Variants in DLG2 observed in about 807,000 individuals in gnomAD.
DLG2 encodes disks large homolog 2.
In DLG2, 45 loss-of-function variants were observed where a neutral mutation model predicts 132.5. The observed-to-expected ratio is 0.34, with a 90% CI of 0.27 to 0.44. DLG2 has a LOEUF of 0.44. Among genes scored for constraint, DLG2 ranks in the 20% least tolerant of loss-of-function variants. The pLI, the probability that DLG2 is intolerant of heterozygous loss-of-function variation, is 1.00. For synonymous variants in DLG2, 424 were observed against 419.6 expected, an observed-to-expected ratio of 1.01 and a Z score of -0.13; for missense variants, 1,045 against 1,196.9, an observed-to-expected ratio of 0.87 and a Z score of 1.87.
At position 85,107,180 on chromosome 11, in the gene DLG2, T is replaced by A. The variant is rs1594280679; in HGVS notation, c.357+4481A>T. ...CCTATAGATATAGCAATGTCTATGA[T>A]AAGTTCCATAATAGCAGTCAACTTA... On this transcript the variant is annotated intron_variant, in intron 6 of 27. Transcript: ENST00000376104. Among the ~76,000 whole-genome samples the A allele has an allele frequency of 4.6e-5, 7 of 152,144 alleles. No individual in the cohort carries two copies. The South Asian group carries it at 1.5e-3, about 32-fold the overall frequency.
At chr11:85,422,614 T>C (rs757916879) in intron 3 of DLG2, among the ~76,000 whole-genome samples, 20 of 152,002 alleles carry the variant, frequency 1.3e-4, no homozygotes, top group Admixed American at 4.6e-4. Context: ...CCTCAGCCTC[T>C]GGAATAGTGG....
intron 6 of DLG2, among the ~76,000 whole-genome samples, chr11:84,756,983 T>C (rs2066968163): frequency 6.6e-6 from 1 of 152,192 alleles, no homozygotes; most frequent in Non-Finnish European, 1.5e-5. Context: ...AGAATCATAA[T>C]TCCTGGTGTA....
chr11:84,798,914 C>T (rs2075024740), intron 6 of DLG2, among the ~76,000 whole-genome samples: 2 of 152,136 alleles, frequency 1.3e-5, no homozygotes, highest in Admixed American at 6.6e-5. Flanking sequence ...GTCACCCCAT[C>T]CTAGTGTGCC....
intron 4 of DLG2, among the ~76,000 whole-genome samples, chr11:85,241,786 T>C (rs1349713550): frequency 1.3e-5 from 2 of 151,964 alleles, no homozygotes; most frequent in Admixed American, 6.6e-5. Flanking sequence ...TTGCATTAGA[T>C]ATGCTATGTG....
chr11:84,118,574 C>T (rs2093752109), intron 9 of DLG2, among the ~76,000 whole-genome samples: 1 of 152,168 alleles, frequency 6.6e-6, no homozygotes, highest in Non-Finnish European at 1.5e-5. Context: ...TAATGTATTT[C>T]TACACCTGAA....
intron 6 of DLG2, among the ~76,000 whole-genome samples, chr11:85,079,855 C>T (rs754173720): frequency 1.8e-4 from 27 of 152,088 alleles, no homozygotes; most frequent in Non-Finnish European, 3.5e-4. Context: ...TAGTCTCAAT[C>T]TCCTGAGCTT....
chr11:84,691,180 A>G (rs1038557523), intron 6 of DLG2, among the ~76,000 whole-genome samples: 2 of 151,752 alleles, frequency 1.3e-5, no homozygotes, highest in African/African-American at 4.8e-5. Context: ...ATTTCTGCAA[A>G]TTTTGAACTT....
At chr11:84,472,489 C>T (rs1404963021) in intron 7 of DLG2, among the ~76,000 whole-genome samples, 1 of 151,902 alleles carries the variant, frequency 6.6e-6, no homozygotes, top group East Asian at 1.9e-4. Context: ...CTTTATAAGA[C>T]TATAAACCCA....
chr11:83,590,637 A>G (rs1420891801), intron 19 of DLG2, among the ~76,000 whole-genome samples: 1 of 152,056 alleles, frequency 6.6e-6, no homozygotes, highest in African/African-American at 2.4e-5. Context: ...AAATAACTAA[A>G]ATCAGAGCAG....
intron 9 of DLG2, among the ~76,000 whole-genome samples, chr11:84,133,469 A>G (rs1247301487): frequency 1.3e-5 from 2 of 152,062 alleles, no homozygotes; most frequent in Non-Finnish European, 2.9e-5. Context: ...TTTTATTTAA[A>G]GCATTCTGTT....
rs889346037 is a variant in DLG2 at position 83,522,926 on chromosome 11, TA to T, written c.2193+9781del. The stretch of plus-strand genomic sequence containing the variant: ...AGATATTACACGTGCTATTATTTTT[TA>T]AAAAAACCTTTTTACCCACATATAA... On this transcript the variant is annotated intron_variant, in intron 21 of 27. Coordinates refer to ENST00000376104, the MANE Select transcript of DLG2 (RefSeq NM_001142699.3). 2.2e-3 allele frequency among the ~76,000 whole-genome samples: 335 copies of T among 152,114 alleles called. 8 individuals carry two copies. Among genetic ancestry groups the T allele is most frequent in the Non-Finnish European group, 2.8e-4 (19 of 67,980 alleles).
intron 7 of DLG2, among the ~76,000 whole-genome samples, chr11:84,479,200 C>G (rs1481709420): frequency 6.6e-6 from 1 of 151,998 alleles, no homozygotes; most frequent in East Asian, 1.9e-4. Context: ...CACTATAAAA[C>G]TTGGATTGTT....
chr11:84,118,133 A>C (rs1270699493), intron 9 of DLG2, among the ~76,000 whole-genome samples: 3 of 152,176 alleles, frequency 2.0e-5, no homozygotes, highest in Non-Finnish European at 4.4e-5. Flanking sequence ...CTGGGATTAC[A>C]AGCATGAGCC....
chr11:85,569,222 A>G (rs548137565), intron 3 of DLG2, among the ~76,000 whole-genome samples: 294 of 151,996 alleles, frequency 1.9e-3, no homozygotes, highest in Middle Eastern at 6.8e-3. Flanking sequence ...AGTAGAGACG[A>G]GGTTTTGCCA....
chr11:84,738,247 A>G lies in DLG2; in HGVS notation c.358-203516T>C, dbSNP rs117947292. Among the ~76,000 whole-genome samples, 929 of 151,560 alleles carry G rather than the reference A, an allele frequency of 6.1e-3. 4 individuals carry two copies. Among genetic ancestry groups the G allele is most frequent in the Non-Finnish European group, 0.01 (701 of 67,804 alleles). On this transcript the variant is annotated intron_variant, in intron 6 of 27. Transcript: ENST00000376104. ...TTCTTTTTCTTTTTTTTTGCTTGTTAAAAAACATCAGGAACCTATTTTTCT... is the reference window on the plus strand; with the variant it reads ...TTCTTTTTCTTTTTTTTTGCTTGTTGAAAAACATCAGGAACCTATTTTTCT...
chr11:84,637,859 A>T (rs2099643467), intron 6 of DLG2, among the ~76,000 whole-genome samples: 1 of 152,244 alleles, frequency 6.6e-6, no homozygotes, highest in South Asian at 2.1e-4. Flanking sequence ...TCTGATTCTT[A>T]CAAGATTTTC....
chr11:85,264,932 C>T (rs1455185177), intron 4 of DLG2, among the ~76,000 whole-genome samples: 1 of 152,156 alleles, frequency 6.6e-6, no homozygotes, highest in Non-Finnish European at 1.5e-5. Context: ...TTAATCTGAT[C>T]CTGTCTATGA....
At chr11:85,175,681 T>A (rs1275961539) in intron 4 of DLG2, among the ~76,000 whole-genome samples, 2 of 152,160 alleles carry the variant, frequency 1.3e-5, no homozygotes, top group Admixed American at 1.3e-4. Flanking sequence ...TTATCTTTCT[T>A]TGCAGATGAC....
At chr11:83,678,524 C>T (rs2078167119) in intron 18 of DLG2, among the ~76,000 whole-genome samples, 1 of 152,180 alleles carries the variant, frequency 6.6e-6, no homozygotes, top group Non-Finnish European at 1.5e-5. Flanking sequence ...ATCCCTTGCC[C>T]TATTTCCTAC....
Sources: allele counts gnomAD v4.1 joint callset (sites outside exome capture counted in the v4.1 genomes callset), GRCh38; gene constraint gnomAD v4.1.1; transcripts MANE v1.5; gene names NCBI Gene and HGNC (gene_info 2026-07-23, HGNC 2026-07-21).